The following FAM114A1 variants were observed in gnomAD, a reference collection of about 807,000 sequenced individuals.
FAM114A1 encodes the protein protein NOXP20.
Under a neutral mutation model 64.3 loss-of-function variants are expected in FAM114A1, and 62 were observed. The ratio of observed to expected loss-of-function variants is 0.96; its 90% confidence interval spans 0.79 to 1.19. The LOEUF (loss-of-function observed/expected upper bound fraction) is 1.19, where lower values mean the gene tolerates loss of function less well. Among genes scored for constraint, FAM114A1 ranks in the 50% most tolerant of loss-of-function variants. The probability of loss-of-function intolerance (pLI) is 0.00; values close to 1 mark genes in which losing one functional copy is unlikely to be tolerated. For synonymous variants in FAM114A1, 254 were observed against 251.1 expected, an observed-to-expected ratio of 1.01 and a Z score of -0.11; for missense variants, 645 against 676.3, an observed-to-expected ratio of 0.95 and a Z score of 0.51.
At chr4:38,879,144 C>T (rs1714958663) in intron 3 of FAM114A1, among the ~76,000 whole-genome samples, 1 of 152,136 alleles carries the variant, frequency 6.6e-6, no homozygotes, top group Non-Finnish European at 1.5e-5. Context: ...CCATGTGGGG[C>T]CGGGCAGGGG....
chr4:38,889,146 T>C (rs942251075), intron 3 of FAM114A1, among the ~76,000 whole-genome samples: 4 of 152,230 alleles, frequency 2.6e-5, no homozygotes, highest in African/African-American at 9.6e-5. Context: ...ATAAATATTA[T>C]AAATTTGAGT....
At chr4:38,921,380 C>G (rs1161834943) in intron 8 of FAM114A1, among the ~76,000 whole-genome samples, 1 of 152,124 alleles carries the variant, frequency 6.6e-6, no homozygotes, top group Non-Finnish European at 1.5e-5. Flanking sequence ...ACCTCAGCCT[C>G]TTGAGCAACT....
intron 4 of FAM114A1, 36 bp from the exon 5 acceptor site, chr4:38,905,486 T>C (rs1460084811): frequency 2.0e-5 from 30 of 1,476,342 alleles, no homozygotes; most frequent in Non-Finnish European, 2.6e-5. Flanking sequence ...CGTGGATTTC[T>C]AATGTATCCA....
intron 6 of FAM114A1, among the ~76,000 whole-genome samples, chr4:38,906,900 C>T (rs2109681929): frequency 6.6e-6 from 1 of 152,040 alleles, no homozygotes; most frequent in Non-Finnish European, 1.5e-5. Flanking sequence ...TTCATTCATT[C>T]ATTCATTAAA....
At chr4:38,943,085 C>G (rs181565505) in intron 14 of FAM114A1, among the ~76,000 whole-genome samples, 17 of 151,338 alleles carry the variant, frequency 1.1e-4, no homozygotes, top group Non-Finnish European at 1.8e-4. Flanking sequence ...CCCAGCTACT[C>G]GAGAGGCTGA....
intron 2 of FAM114A1, among the ~76,000 whole-genome samples, chr4:38,869,313 T>G (rs1713783525): frequency 6.6e-6 from 1 of 152,190 alleles, no homozygotes; most frequent in African/African-American, 2.4e-5. Context: ...AAGGTAACAT[T>G]AGACACTGGG....
intron 3 of FAM114A1, among the ~76,000 whole-genome samples, chr4:38,889,968 A>G (rs182832497): frequency 1.3e-5 from 2 of 152,368 alleles, no homozygotes; most frequent in Admixed American, 1.3e-4. Context: ...CTTCAGGTCC[A>G]CATTCAGGGC....
intron 7 of FAM114A1, among the ~76,000 whole-genome samples, chr4:38,909,277 G>A (rs1230657806): frequency 6.6e-6 from 1 of 152,178 alleles, no homozygotes; most frequent in East Asian, 1.9e-4. Context: ...TTTGTTGTGA[G>A]GATACGCTGA....
chr4:38,877,239 G>A (rs1483017208), intron 2 of FAM114A1, among the ~76,000 whole-genome samples: 1 of 152,078 alleles, frequency 6.6e-6, no homozygotes, highest in East Asian at 1.9e-4. Flanking sequence ...TTACTATTGT[G>A]CACTTTATTT....
At chr4:38,908,867 T>A in intron 7 of FAM114A1, 141 bp downstream of exon 7, 1 of 853,630 alleles carries the variant, frequency 1.2e-6, no homozygotes, top group Non-Finnish European at 1.7e-6. Flanking sequence ...ACTGAGCTTC[T>A]AATACCCCCA....
intron 4 of FAM114A1, among the ~76,000 whole-genome samples, chr4:38,893,265 T>G (rs558552155): frequency 2.0e-4 from 31 of 152,294 alleles, no homozygotes; most frequent in South Asian, 8.3e-4. Flanking sequence ...AGCCAAAAAC[T>G]AAAAAGGAGG....
intron 3 of FAM114A1, among the ~76,000 whole-genome samples, chr4:38,886,896 C>A (rs1715866484): frequency 6.7e-6 from 1 of 149,658 alleles, no homozygotes; most frequent in Non-Finnish European, 1.5e-5. Context: ...CCACTGCACT[C>A]CAGCCTGGGA....
intron 11 of FAM114A1, 140 bp downstream of exon 11, chr4:38,931,752 C>A: frequency 2.5e-6 from 2 of 812,798 alleles, no homozygotes; most frequent in Non-Finnish European, 3.6e-6. Flanking sequence ...ACCAGCCTGG[C>A]CAACATGGTG....
chr4:38,869,571 G>T (rs1560280096), intron 2 of FAM114A1, among the ~76,000 whole-genome samples: 1 of 152,148 alleles, frequency 6.6e-6, no homozygotes, highest in Non-Finnish European at 1.5e-5. Context: ...GTCCAAAAAT[G>T]CCTGGCAGCC....
intron 3 of FAM114A1, among the ~76,000 whole-genome samples, chr4:38,887,040 G>C (rs937334826): frequency 6.6e-6 from 1 of 152,140 alleles, no homozygotes; most frequent in Non-Finnish European, 1.5e-5. Flanking sequence ...GAGATGTGTA[G>C]GTGGAGGTGC....
intron 4 of FAM114A1, among the ~76,000 whole-genome samples, chr4:38,900,905 AAAAGTTAAGGTGGT>A (rs1218252423): frequency 2.6e-5 from 4 of 151,820 alleles, no homozygotes; most frequent in Non-Finnish European, 5.9e-5. Context: ...TTCAGGTAGG[AAAAGTTAAGGTGGT>A]AAAATGCATG....
At chr4:38,878,552 C>T (rs1579294746) in intron 3 of FAM114A1, 126 bp downstream of exon 3, 1 of 703,850 alleles carries the variant, frequency 1.4e-6, no homozygotes, top group South Asian at 2.0e-5. Context: ...TCCCCTCTGT[C>T]ATCAGAAATG....
chr4:38,898,563 A>T (rs965480148), intron 4 of FAM114A1, among the ~76,000 whole-genome samples: 1 of 152,192 alleles, frequency 6.6e-6, no homozygotes, highest in Non-Finnish European at 1.5e-5. Context: ...TAATGCTTAG[A>T]GTTTGTCCAT....
intron 3 of FAM114A1, among the ~76,000 whole-genome samples, chr4:38,879,742 T>G (rs11939674): frequency 0.28 from 42,149 of 151,920 alleles, 6,191 homozygotes; most frequent in African/African-American, 0.32. Context: ...ATTTTGTTTA[T>G]GAGTTTCAAG....
Sources: allele counts gnomAD v4.1 joint callset (sites outside exome capture counted in the v4.1 genomes callset), GRCh38; gene constraint gnomAD v4.1.1; transcripts MANE v1.5; gene names NCBI Gene and HGNC (gene_info 2026-07-23, HGNC 2026-07-21).